Variants in KIRREL3 observed in about 807,000 individuals in gnomAD.
The protein encoded by KIRREL3 is kin of IRRE-like protein 3.
Under a neutral mutation model 89.7 loss-of-function variants are expected in KIRREL3, and 36 were observed. The ratio of observed to expected loss-of-function variants is 0.40; its 90% CI spans 0.31 to 0.53. The LOEUF (loss-of-function observed/expected upper bound fraction) is 0.53. Among genes scored for constraint, KIRREL3 ranks in the 20% least tolerant of loss-of-function variants. KIRREL3 has a pLI of 0.49. For missense variants in KIRREL3, 864 were observed against 1,056.6 expected, an observed-to-expected ratio of 0.82 and a Z score of 2.53; for synonymous variants, 445 against 441.4, an observed-to-expected ratio of 1.01 and a Z score of -0.10.
chr11:126,840,912 TG>T (rs1271771950), intron 1 of KIRREL3, among the ~76,000 whole-genome samples: 3 of 152,210 alleles, frequency 2.0e-5, no homozygotes, highest in African/African-American at 7.2e-5. Flanking sequence ...TTTCTATAAG[TG>T]AAAAAGTGAA....
Position 126,425,040 on chromosome 11 carries a change from A to G in KIRREL3, c.1894-17T>C. On this transcript the variant is annotated splice_polypyrimidine_tract_variant and intron_variant, in intron 16 of 16. Transcript: ENST00000525144. Reference sequence around the variant, plus strand: ...GGTGGGGTCCTGGATGGGCGAGAGGAAGAGGAGCGTCACCTGGTGGAGTCT... The same window carrying G: ...GGTGGGGTCCTGGATGGGCGAGAGGGAGAGGAGCGTCACCTGGTGGAGTCT... 3 of 1,500,354 alleles carry G rather than the reference A, an allele frequency of 2.0e-6. No homozygotes were observed. The highest frequency in any genetic ancestry group is 2.7e-6 in the Non-Finnish European group (3 of 1,123,844). The allele number at this position is 1,500,354 out of a possible 1,614,324, so 92.9% of individuals were successfully genotyped here.
chr11:126,658,228 C>G (rs1024178082), intron 1 of KIRREL3, among the ~76,000 whole-genome samples: 1 of 152,208 alleles, frequency 6.6e-6, no homozygotes, highest in African/African-American at 2.4e-5. Context: ...ATGTGGATAT[C>G]TACATCATTT....
intron 7 of KIRREL3, among the ~76,000 whole-genome samples, chr11:126,453,155 G>A (rs553801976): frequency 5.4e-5 from 8 of 148,432 alleles, no homozygotes; most frequent in African/African-American, 2.0e-4. Context: ...AATTTGGTCT[G>A]AACAAATGTA....
In KIRREL3 at chr11:126,474,543, T is replaced by A. The variant is rs1376010908; in HGVS notation, c.434-1077A>T. Among the ~76,000 whole-genome samples, 1 of 152,160 alleles carries A rather than the reference T, an allele frequency of 6.6e-6. No homozygotes were observed. Among genetic ancestry groups the A allele is most frequent in the Non-Finnish European group, 1.5e-5 (1 of 68,016 alleles). ...GTGTAAGCGCTGGCATCTCCTGAGC[T>A]CCTCACTCCTCCAGAGCGGCTCCAG... On this transcript the variant is annotated intron_variant, in intron 4 of 16. Coordinates refer to ENST00000525144, the MANE Select transcript of KIRREL3 (RefSeq NM_032531.4). The surrounding 1 kb of genome is among the most constrained non-coding windows in gnomAD (Gnocchi z 6.7).
chr11:126,650,002 T>G (rs991649142), intron 1 of KIRREL3, among the ~76,000 whole-genome samples: 3 of 152,238 alleles, frequency 2.0e-5, no homozygotes, highest in African/African-American at 7.2e-5. Flanking sequence ...TTCTGTGCAC[T>G]CTCAGGCTCA....
intron 1 of KIRREL3, among the ~76,000 whole-genome samples, chr11:126,722,871 G>A (rs906389668): frequency 1.3e-5 from 2 of 152,196 alleles, no homozygotes; most frequent in African/African-American, 4.8e-5. Context: ...TCATTGGCAA[G>A]GCCTAGCTCA....
At position 126,977,717 on chromosome 11, in the gene KIRREL3, A is replaced by AT. The variant is rs1268835162; in HGVS notation, c.55+22737dup. Among the ~76,000 whole-genome samples, 4 of 152,130 alleles carry AT rather than the reference A, an allele frequency of 2.6e-5. No homozygotes were observed. Among genetic ancestry groups the AT allele is most frequent in the Non-Finnish European group, 5.9e-5 (4 of 68,028 alleles). On this transcript the variant is annotated intron_variant, in intron 1 of 16. Transcript: ENST00000525144. This position sits in a 1 kb window ranked among gnomAD's most constrained non-coding sequence, Gnocchi z 4.7. ...CCCAGAGTGACAGAGTCCCTTATTG[A>AT]TTTTTCCCCAACCTTCTGAATGATC...
At chr11:126,540,957 G>A (rs1304975882) in intron 2 of KIRREL3, among the ~76,000 whole-genome samples, 1 of 152,194 alleles carries the variant, frequency 6.6e-6, no homozygotes, top group Non-Finnish European at 1.5e-5. Flanking sequence ...CTTGGGATGT[G>A]TTGGAGCAGC....
chr11:126,927,860 G>C (rs958296356), intron 1 of KIRREL3, among the ~76,000 whole-genome samples: 1 of 152,352 alleles, frequency 6.6e-6, no homozygotes, highest in Admixed American at 6.5e-5. Context: ...TGTCCAGGCA[G>C]GAGGTCCTGC....
At chr11:126,806,608 T>C (rs186822151) in intron 1 of KIRREL3, among the ~76,000 whole-genome samples, 1 of 152,332 alleles carries the variant, frequency 6.6e-6, no homozygotes, top group Admixed American at 6.5e-5. Flanking sequence ...ACTCCTAACC[T>C]ATCAGTTAGG....
At position 126,563,442 on chromosome 11, in the gene KIRREL3, C is replaced by T. The variant is rs114478003; in HGVS notation, c.56-530G>A. 6.1e-3 allele frequency among the ~76,000 whole-genome samples: 932 copies of T among 152,180 alleles called. 8 individuals carry two copies. The highest frequency in any genetic ancestry group is 0.016 in the African/African-American group (670 of 41,514). On this transcript the variant is annotated intron_variant, in intron 1 of 16. Coordinates refer to ENST00000525144, the MANE Select transcript of KIRREL3 (RefSeq NM_032531.4). This position sits in a 1 kb window ranked among gnomAD's most constrained non-coding sequence, Gnocchi z 6.8. ...ATTGCGTGAGTTTAGGGCAGCGGGGCGACACAGAGGTTAAGGTATAGGCAG... is the reference window on the plus strand; with the variant it reads ...ATTGCGTGAGTTTAGGGCAGCGGGGTGACACAGAGGTTAAGGTATAGGCAG...
At chr11:126,713,610 C>A (rs1246504049) in intron 1 of KIRREL3, among the ~76,000 whole-genome samples, 1 of 152,186 alleles carries the variant, frequency 6.6e-6, no homozygotes, top group Admixed American at 6.5e-5. Context: ...ACGCAACAGG[C>A]TCTGGTAACT....
intron 1 of KIRREL3, among the ~76,000 whole-genome samples, chr11:126,959,662 C>T (rs187738929): frequency 1.8e-4 from 27 of 152,266 alleles, no homozygotes; most frequent in South Asian, 4.1e-4. Flanking sequence ...AATGTTCTCC[C>T]GAATCAGCCT....
intron 1 of KIRREL3, among the ~76,000 whole-genome samples, chr11:126,599,574 C>T (rs1275296411): frequency 6.6e-6 from 1 of 152,174 alleles, no homozygotes; most frequent in Non-Finnish European, 1.5e-5. Context: ...GCCCATTTGT[C>T]TTTTCCATCA....
chr11:126,939,793 A>G (rs567639888), intron 1 of KIRREL3, among the ~76,000 whole-genome samples: 1 of 152,264 alleles, frequency 6.6e-6, no homozygotes, highest in East Asian at 1.9e-4. Flanking sequence ...ATTATAGCAA[A>G]TCTTATCACC....
chr11:126,960,780 T>C (rs1410848595), intron 1 of KIRREL3, among the ~76,000 whole-genome samples: 12 of 152,230 alleles, frequency 7.9e-5, no homozygotes, highest in Admixed American at 7.9e-4. Flanking sequence ...GTGCTTTGCT[T>C]TATTGTTCTT....
In KIRREL3 at chr11:126,450,727, ATGTGGGCATGTGTGAG is replaced by A. The variant is rs1181236134; in HGVS notation, c.849-1586_849-1571del. Among the ~76,000 whole-genome samples, 90 of 98,652 alleles carry A rather than the reference ATGTGGGCATGTGTGAG, an allele frequency of 9.1e-4. 1 individual carries two copies. The highest frequency in any genetic ancestry group is 5.2e-3 in the African/African-American group (79 of 15,232). The allele number at this position is 98,652 out of a possible 152,430, so 64.7% of individuals were successfully genotyped here. ...CATGTGCGAGTTTGTGCATGTGTGA[ATGTGGGCATGTGTGAG>A]TGTGGGCATGTATGACTGTGTGCAT... On this transcript the variant is annotated intron_variant, in intron 7 of 16. Coordinates refer to ENST00000525144, the MANE Select transcript of KIRREL3 (RefSeq NM_032531.4).
At position 126,897,273 on chromosome 11, in the gene KIRREL3, A is replaced by G. The variant is rs149125156; in HGVS notation, c.55+103182T>C. ...CAGGCTGGCGGGGAATCTCATGAGG[A>G]GGAGATCAGTCCTGGAATGTCCAGG... On this transcript the variant is annotated intron_variant, in intron 1 of 16. Coordinates refer to ENST00000525144, the MANE Select transcript of KIRREL3 (RefSeq NM_032531.4). The surrounding 1 kb of genome is among the most constrained non-coding windows in gnomAD (Gnocchi z 4.2). 9.4e-4 allele frequency among the ~76,000 whole-genome samples: 143 copies of G among 152,138 alleles called. 1 individual carries two copies. The highest frequency in any genetic ancestry group is 3.0e-3 in the African/African-American group (124 of 41,536).
chr11:126,973,155 G>A (rs927757546), intron 1 of KIRREL3, among the ~76,000 whole-genome samples: 4 of 140,438 alleles, frequency 2.8e-5, no homozygotes, highest in Non-Finnish European at 6.1e-5. Context: ...ATCTGCATGA[G>A]CATGTTAGTC....
Sources: gnomAD v4.1 joint callset for allele counts (sites outside exome capture counted in the v4.1 genomes callset) on GRCh38, gnomAD v4.1.1 for gene constraint, Gnocchi (gnomAD v3.1) non-coding constraint, MANE v1.5 for transcripts, NCBI Gene and HGNC (gene_info 2026-07-23, HGNC 2026-07-21) for gene names.